OSBPL3: variants seen among roughly 807,000 people sequenced by gnomAD.
The protein encoded by OSBPL3 is oxysterol-binding protein-related protein 3.
In OSBPL3, 65 loss-of-function variants were observed where a neutral mutation model predicts 120.1. The ratio of observed to expected loss-of-function variants is 0.54; its 90% CI spans 0.44 to 0.67. The LOEUF is 0.67. OSBPL3 is among the 30% of genes least tolerant of loss of function. The pLI is 0.00. For synonymous variants in OSBPL3, 416 were observed against 402.6 expected (o/e 1.03, Z -0.40); for missense variants, 1,004 against 1,082.1 (o/e 0.93, Z 1.01).
intron 13 of OSBPL3, among the ~76,000 whole-genome samples, 190 bp from the exon 14 acceptor site, chr7:24,840,973 T>G (rs1797667708): frequency 6.6e-6 from 1 of 152,230 alleles, no homozygotes; most frequent in South Asian, 2.1e-4. Flanking sequence ...TTCTTAAAAT[T>G]CTTACACATT....
rs538448917 is a variant in OSBPL3, at chr7:24,953,960, T to A, written c.-150+25926A>T. ...CTGGAACACTTTCTCAATCACCAGA[T>A]GAACCTTAGAACAAACTGAGAGAAA... On this transcript the variant is annotated intron_variant, in intron 1 of 22. Transcript: ENST00000313367. The surrounding 1 kb of genome is among the most constrained non-coding windows in gnomAD (Gnocchi z 4.3). Among the ~76,000 whole-genome samples, 1 of 152,328 alleles carries A rather than the reference T, an allele frequency of 6.6e-6. No homozygotes were observed. Among genetic ancestry groups the A allele is most frequent in the African/African-American group, 2.4e-5 (1 of 41,590 alleles).
rs1258668997 is a variant in OSBPL3 at position 24,899,417 on chromosome 7, A to C, written c.-149-6796T>G. 6.6e-6 allele frequency among the ~76,000 whole-genome samples: 1 copy of C among 152,206 alleles called. No homozygotes were observed. The highest frequency in any genetic ancestry group is 2.4e-5 in the African/African-American group (1 of 41,454). On this transcript the variant is annotated intron_variant, in intron 1 of 22. Coordinates refer to ENST00000313367, the MANE Select transcript of OSBPL3 (RefSeq NM_015550.4). This position sits in a 1 kb window ranked among gnomAD's most constrained non-coding sequence, Gnocchi z 4.0. ...AGAAGTTGGGCTTCCTTCTTTCTGA[A>C]GCGGACTCCTTTACTTCCTTTAACT... is the stretch of plus-strand genomic sequence containing the variant.
intron 1 of OSBPL3, among the ~76,000 whole-genome samples, chr7:24,927,882 C>T (rs1024775026): frequency 6.6e-6 from 1 of 152,116 alleles, no homozygotes; most frequent in African/African-American, 2.4e-5. Context: ...TAAAATGCAC[C>T]TGATACGGTT....
At chr7:24,929,362 C>T (rs975458043) in intron 1 of OSBPL3, among the ~76,000 whole-genome samples, 3 of 152,128 alleles carry the variant, frequency 2.0e-5, no homozygotes, top group Non-Finnish European at 2.9e-5. Flanking sequence ...GTTGCTAACG[C>T]CGTAAAGACC....
chr7:24,866,589 C>T (rs998387872), intron 5 of OSBPL3, among the ~76,000 whole-genome samples: 4 of 151,872 alleles, frequency 2.6e-5, no homozygotes, highest in African/African-American at 4.8e-5. Context: ...TGCAGTGAAC[C>T]GAGATTGAGC....
chr7:24,868,803 G>A (rs1294920339), intron 5 of OSBPL3, among the ~76,000 whole-genome samples: 1 of 152,194 alleles, frequency 6.6e-6, no homozygotes, highest in East Asian at 1.9e-4. Flanking sequence ...GGAATCTTGT[G>A]TTATCCTTTC....
chr7:24,842,226 GCAAAGCAA>G lies in OSBPL3; in HGVS notation c.1401+45_1401+52del, dbSNP rs1376285759. ...GATTATTTACTGAACAGATTAATCA[GCAAAGCAA>G]CAAGAGAGATTTTTGAGGCACCATA... On this transcript the variant is annotated intron_variant, in intron 13 of 22. Transcript: ENST00000313367. 3.7e-5 allele frequency: 59 copies of G among 1,577,280 alleles called. No individual in the cohort carries two copies. In the Admixed American group the frequency reaches 1.0e-3, roughly 28 times the overall value.
intron 7 of OSBPL3, among the ~76,000 whole-genome samples, chr7:24,864,840 ATT>A (rs1801076607): frequency 6.6e-6 from 1 of 152,166 alleles, no homozygotes; most frequent in Non-Finnish European, 1.5e-5. Flanking sequence ...ACTTTGGAAA[ATT>A]AGTGATATCA....
intron 1 of OSBPL3, 107 bp downstream of exon 1, chr7:24,979,779 C>T (rs1235192966): frequency 1.6e-6 from 1 of 613,730 alleles, no homozygotes; most frequent in Non-Finnish European, 2.0e-6. Context: ...AGACCCCGGT[C>T]CGGCAGAGAA....
intron 2 of OSBPL3, among the ~76,000 whole-genome samples, chr7:24,875,178 A>G (rs958320736): frequency 6.6e-6 from 1 of 152,248 alleles, no homozygotes; most frequent in Non-Finnish European, 1.5e-5. Context: ...TTTCACACAT[A>G]TATCAAAGTA....
chr7:24,974,329 G>T (rs1218970181), intron 1 of OSBPL3, among the ~76,000 whole-genome samples: 1 of 152,166 alleles, frequency 6.6e-6, no homozygotes, highest in East Asian at 1.9e-4. Flanking sequence ...AAAGTTCCTT[G>T]ACTCTTTTTA....
At chr7:24,927,965 T>C (rs1043062179) in intron 1 of OSBPL3, among the ~76,000 whole-genome samples, 3 of 152,140 alleles carry the variant, frequency 2.0e-5, no homozygotes, top group South Asian at 2.1e-4. Context: ...GATTGGATCA[T>C]GGAGATAAAT....
At position 24,830,929 on chromosome 7, in the gene OSBPL3, T is replaced by C; in HGVS notation, c.1747-24A>G. On this transcript the variant is annotated intron_variant, in intron 15 of 22. Transcript: ENST00000313367. This position sits in a 1 kb window ranked among gnomAD's most constrained non-coding sequence, Gnocchi z 4.4. ...ACCTAAGGACAAGAGAAAAGAACTT[T>C]GTCATTTCCGTGTCACCAAGAGCTT... 1.3e-6 allele frequency: 2 copies of C among 1,571,892 alleles called. No homozygotes were observed. Among genetic ancestry groups the C allele is most frequent in the Non-Finnish European group, 1.7e-6 (2 of 1,164,246 alleles).
rs542501889 is a variant in OSBPL3 at position 24,858,205 on chromosome 7, A to G, written c.1027+3408T>C. ...ACCATTTGATCTACAAAACCAGGAG[A>G]ATTCAGATGCATTTAACAAGGTGAA... On this transcript the variant is annotated intron_variant, in intron 10 of 22. Transcript: ENST00000313367. Among the ~76,000 whole-genome samples the G allele has an allele frequency of 1.0e-3, 154 of 152,342 alleles. 1 individual carries two copies. Among genetic ancestry groups the G allele is most frequent in the Non-Finnish European group, 1.5e-3 (102 of 68,026 alleles).
rs1051474072 is a variant in OSBPL3, at chr7:24,855,460, T to C, written c.1028-2826A>G. 6.6e-6 allele frequency among the ~76,000 whole-genome samples: 1 copy of C among 152,188 alleles called. No homozygotes were observed. Among genetic ancestry groups the C allele is most frequent in the Admixed American group, 6.5e-5 (1 of 15,276 alleles). On this transcript the variant is annotated intron_variant, in intron 10 of 22. Transcript: ENST00000313367. The surrounding 1 kb of genome is among the most constrained non-coding windows in gnomAD (Gnocchi z 4.3). Reference sequence around the variant, plus strand: ...TGACAAGATTGCAATAGGTGTAAGATAAGCAGAAAGAAACTCATATAGTCA... The same window carrying C: ...TGACAAGATTGCAATAGGTGTAAGACAAGCAGAAAGAAACTCATATAGTCA...
chr7:24,866,231 A>T lies in OSBPL3; in HGVS notation c.388T>A (p.Ser130Thr), dbSNP rs772595585. ...EEHIYHLKVK[S>T]EEVFDEWVSK... ...ACCCACTCATCAAAGACTTCTTCTGACTTGACCTATAATATATTCGATTGA... is the reference window on the plus strand; with the variant it reads ...ACCCACTCATCAAAGACTTCTTCTGTCTTGACCTATAATATATTCGATTGA... The change falls in exon 6 of 23, where the codon TCA becomes ACA. Residue 130 changes from serine (S) to threonine (T), a missense_variant. Physicochemically the swap from Ser to Thr is moderately conservative, Grantham distance 58. Around this residue, in one of 4 missense-constraint regions of OSBPL3, gnomAD observed 255 missense variants for 248.7 expected, o/e 1.03. Transcript: ENST00000313367. 4 of 1,604,534 alleles carry T rather than the reference A, an allele frequency of 2.5e-6. No individual in the cohort carries two copies. Among genetic ancestry groups the T allele is most frequent in the Non-Finnish European group, 3.4e-6 (4 of 1,171,260 alleles).
rs188668225 is a variant in OSBPL3 at position 24,932,684 on chromosome 7, C to T, written c.-149-40063G>A. On this transcript the variant is annotated intron_variant, in intron 1 of 22. Coordinates refer to ENST00000313367, the MANE Select transcript of OSBPL3 (RefSeq NM_015550.4). The surrounding 1 kb of genome is among the most constrained non-coding windows in gnomAD (Gnocchi z 5.6). ...CAAGACACCAAATCCAATAGTACTT[C>T]GATCTTGCATTTTCCAGCCTCCAGA... 2.3e-4 allele frequency among the ~76,000 whole-genome samples: 35 copies of T among 152,268 alleles called. No individual in the cohort carries two copies. Among genetic ancestry groups the T allele is most frequent in the Admixed American group, 2.1e-3 (32 of 15,296 alleles).
chr7:24,804,225 G>C lies in OSBPL3; in HGVS notation c.2567+90C>G, dbSNP rs1027774727. On this transcript the variant is annotated intron_variant, in intron 22 of 22. Coordinates refer to ENST00000313367, the MANE Select transcript of OSBPL3 (RefSeq NM_015550.4). This position sits in a 1 kb window ranked among gnomAD's most constrained non-coding sequence, Gnocchi z 5.4. ...AAAAGCCTGGAGAATGCTCTTATCTGGGGACAGTACTGTTCACTTTCTGCA... is the reference window on the plus strand; with the variant it reads ...AAAAGCCTGGAGAATGCTCTTATCTCGGGACAGTACTGTTCACTTTCTGCA... 23 of 1,460,118 alleles carry C rather than the reference G, an allele frequency of 1.6e-5. No individual in the cohort carries two copies. In the Admixed American group the frequency reaches 2.8e-4, roughly 18 times the overall value. 90.4% of individuals were successfully genotyped at this position (1,460,118 alleles called of 1,614,324 possible).
At chr7:24,866,367 G>A in intron 5 of OSBPL3, 130 bp from the exon 6 acceptor site, 4 of 723,220 alleles carry the variant, frequency 5.5e-6, no homozygotes, top group Non-Finnish European at 9.5e-6. Context: ...GCCAGGCGCA[G>A]TGGCTGATGC....
Sources: gnomAD v4.1 joint callset for allele counts (sites outside exome capture counted in the v4.1 genomes callset) on GRCh38, gnomAD v4.1.1 for gene constraint, gnomAD v4.1.1 regional missense constraint, Gnocchi (gnomAD v3.1) non-coding constraint, MANE v1.5 for transcripts, NCBI Gene and HGNC (gene_info 2026-07-23, HGNC 2026-07-21) for gene names.